The following CNTN5 variants were observed in gnomAD, a reference collection of about 807,000 sequenced individuals.
CNTN5 encodes contactin 5, also known as contactin-5.
Under a neutral mutation model 129.1 loss-of-function variants are expected in CNTN5, and 77 were observed. The ratio of observed to expected loss-of-function variants is 0.60; its 90% CI spans 0.50 to 0.72. The LOEUF (loss-of-function observed/expected upper bound fraction) is 0.72. CNTN5 is among the 30% of genes least tolerant of loss of function. The pLI, the probability that CNTN5 is intolerant of heterozygous loss-of-function variation, is 0.00. For missense variants in CNTN5, 1,478 were observed against 1,328.8 expected (o/e 1.11, Z -1.75); for synonymous variants, 509 against 465.6 (o/e 1.09, Z -1.20).
At chr11:99,758,940 G>A (rs190342330) in intron 3 of CNTN5, among the ~76,000 whole-genome samples, 7 of 152,074 alleles carry the variant, frequency 4.6e-5, no homozygotes, top group East Asian at 3.9e-4. Flanking sequence ...ATTTTGTTCC[G>A]TATTACCTGT....
chr11:99,252,340 CACAA>C (rs912596323), intron 1 of CNTN5, among the ~76,000 whole-genome samples: 1 of 151,756 alleles, frequency 6.6e-6, no homozygotes, highest in Non-Finnish European at 1.5e-5. Flanking sequence ...CAAACAAACA[CACAA>C]ACAAAAAACA....
At chr11:99,975,064 T>C (rs1304391808) in intron 8 of CNTN5, among the ~76,000 whole-genome samples, 8 of 152,228 alleles carry the variant, frequency 5.3e-5, no homozygotes, top group African/African-American at 9.6e-5. Flanking sequence ...CTTCCACAAG[T>C]CGGCCATTGC....
At chr11:99,918,865 C>A (rs1417947384) in intron 7 of CNTN5, among the ~76,000 whole-genome samples, 1 of 152,084 alleles carries the variant, frequency 6.6e-6, no homozygotes, top group African/African-American at 2.4e-5. Context: ...ATTTACAGAG[C>A]CCACATTTGC....
At chr11:99,410,484 G>A (rs1047628962) in intron 2 of CNTN5, among the ~76,000 whole-genome samples, 2 of 152,104 alleles carry the variant, frequency 1.3e-5, no homozygotes, top group Non-Finnish European at 2.9e-5. Flanking sequence ...CCTGATGTGA[G>A]TCCAAACTGT....
chr11:99,855,888 T>G (rs1307828386), intron 6 of CNTN5, among the ~76,000 whole-genome samples: 2 of 152,210 alleles, frequency 1.3e-5, no homozygotes, highest in South Asian at 2.1e-4. Context: ...AATTTTCATT[T>G]CATATCCTTA....
intron 21 of CNTN5, among the ~76,000 whole-genome samples, chr11:100,318,863 A>C (rs1056518866): frequency 1.3e-5 from 2 of 152,174 alleles, no homozygotes; most frequent in African/African-American, 4.8e-5. Flanking sequence ...CATTGTAAGA[A>C]TTCTAATTGC....
At chr11:99,235,834 AG>A (rs1444534986) in intron 1 of CNTN5, among the ~76,000 whole-genome samples, 1 of 152,228 alleles carries the variant, frequency 6.6e-6, no homozygotes, top group Non-Finnish European at 1.5e-5. Flanking sequence ...TCTTGAATAA[AG>A]TTTGGATTCC....
chr11:99,355,519 C>T (rs975990121), intron 2 of CNTN5, among the ~76,000 whole-genome samples: 1 of 152,084 alleles, frequency 6.6e-6, no homozygotes, highest in Non-Finnish European at 1.5e-5. Context: ...AAGGTTAGAG[C>T]TGCAGAGTCT....
At chr11:99,717,020 T>C (rs1167935701) in intron 3 of CNTN5, among the ~76,000 whole-genome samples, 1 of 152,070 alleles carries the variant, frequency 6.6e-6, no homozygotes, top group Non-Finnish European at 1.5e-5. Context: ...GTTGGTGAAA[T>C]TACAATTGGG....
rs1944201354 is a variant in CNTN5 at position 99,449,250 on chromosome 11, A to G, written c.-70-106895A>G. Among the ~76,000 whole-genome samples the G allele has an allele frequency of 3.3e-5, 5 of 152,344 alleles. No homozygotes were observed. In the South Asian group the frequency reaches 6.2e-4, roughly 19 times the overall value. On this transcript the variant is annotated intron_variant, in intron 2 of 24. Coordinates refer to ENST00000524871, the MANE Select transcript of CNTN5 (RefSeq NM_014361.4). ...ATGTTGAACATGTGTGAATTTTTCTAACTTCACAGAAAGTTCATGGATAAT... is the reference window on the plus strand; with the variant it reads ...ATGTTGAACATGTGTGAATTTTTCTGACTTCACAGAAAGTTCATGGATAAT...
intron 1 of CNTN5, among the ~76,000 whole-genome samples, chr11:99,163,008 G>C (rs1196268159): frequency 6.6e-6 from 1 of 152,134 alleles, no homozygotes; most frequent in Non-Finnish European, 1.5e-5. Flanking sequence ...TCTGCTTTTA[G>C]TTTCTCTTTT....
rs1940170739 is a variant in CNTN5, at chr11:100,006,058, C to T, written c.980+3922C>T. On this transcript the variant is annotated intron_variant, in intron 9 of 24. Transcript: ENST00000524871. ...AAAGTCACATGAATTTTTTGGTTTTCCAGAGCACACAGAAGTTATGTTTAC... is the reference window on the plus strand; with the variant it reads ...AAAGTCACATGAATTTTTTGGTTTTTCAGAGCACACAGAAGTTATGTTTAC... Among the ~76,000 whole-genome samples the T allele has an allele frequency of 1.3e-5, 2 of 152,072 alleles. 1 individual carries two copies. The highest frequency in any genetic ancestry group is 2.9e-5 in the Non-Finnish European group (2 of 68,010).
intron 17 of CNTN5, among the ~76,000 whole-genome samples, chr11:100,269,320 C>A (rs1335865223): frequency 6.6e-6 from 1 of 151,896 alleles, no homozygotes; most frequent in Non-Finnish European, 1.5e-5. Flanking sequence ...AGCATGGGTT[C>A]AAAAGAGAAT....
At chr11:100,116,307 T>C (rs1327663132) in intron 13 of CNTN5, among the ~76,000 whole-genome samples, 1 of 152,030 alleles carries the variant, frequency 6.6e-6, no homozygotes, top group South Asian at 2.1e-4. Flanking sequence ...CAAAACTAAA[T>C]GTATTAATAA....
At chr11:100,250,701 A>C (rs193061098) in intron 16 of CNTN5, among the ~76,000 whole-genome samples, 6 of 152,288 alleles carry the variant, frequency 3.9e-5, no homozygotes, top group Admixed American at 6.5e-5. Context: ...AATATCAAAA[A>C]GAATAAAGAG....
chr11:100,019,232 A>G (rs1443594485), intron 9 of CNTN5, among the ~76,000 whole-genome samples: 1 of 151,872 alleles, frequency 6.6e-6, no homozygotes, highest in Non-Finnish European at 1.5e-5. Context: ...CCAAGGGCAA[A>G]AGGTTTTCTC....
At chr11:99,160,981 C>T (rs548629245) in intron 1 of CNTN5, among the ~76,000 whole-genome samples, 2 of 152,064 alleles carry the variant, frequency 1.3e-5, no homozygotes, top group Non-Finnish European at 2.9e-5. Context: ...TTACCAGGTA[C>T]AAATCTATAT....
intron 7 of CNTN5, among the ~76,000 whole-genome samples, chr11:99,938,227 T>G (rs1950358076): frequency 6.6e-6 from 1 of 152,082 alleles, no homozygotes; most frequent in Admixed American, 6.6e-5. Flanking sequence ...CTATTTTAAT[T>G]ACATTCTAGG....
At chr11:100,051,546 ACTT>A (rs572847299) in intron 9 of CNTN5, among the ~76,000 whole-genome samples, 1 of 151,950 alleles carries the variant, frequency 6.6e-6, no homozygotes, top group Admixed American at 6.6e-5. Context: ...AATGATCTAA[ACTT>A]CTACCTTAAA....
Sources: gnomAD v4.1 joint callset for allele counts (sites outside exome capture counted in the v4.1 genomes callset) on GRCh38, gnomAD v4.1.1 for gene constraint, MANE v1.5 for transcripts, NCBI Gene and HGNC (gene_info 2026-07-23, HGNC 2026-07-21) for gene names.